LRP8: variants seen among roughly 807,000 people sequenced by gnomAD.
The protein encoded by LRP8 is LDL receptor related protein 8.
LRP8 carries 46 observed loss-of-function variants against 111.6 expected under a neutral mutation model. The observed-to-expected ratio is 0.41, with a 90% CI of 0.33 to 0.53. The LOEUF is 0.53. Ranked by LOEUF, LRP8 falls within the 20% of genes least tolerant of loss-of-function variation. The pLI is 0.20. For missense variants in LRP8, 959 were observed against 1,297.4 expected (o/e 0.74, Z 4.01); for synonymous variants, 464 against 511.2 (o/e 0.91, Z 1.24).
intron 2 of LRP8, among the ~76,000 whole-genome samples, chr1:53,310,710 A>C (rs573298913): frequency 1.3e-5 from 2 of 152,256 alleles, no homozygotes; most frequent in South Asian, 4.1e-4. Context: ...ACCAGAAAGA[A>C]CTTCGTTTCT....
At chr1:53,327,178 C>T (rs1655251108) in intron 1 of LRP8, 186 bp from the exon 2 acceptor site, 1 of 741,776 alleles carries the variant, frequency 1.3e-6, no homozygotes, top group Non-Finnish European at 2.1e-6. Context: ...GATGTCGGGC[C>T]GCTCGGTGGC....
At chr1:53,254,655 G>C (rs1557749122) in intron 16 of LRP8, among the ~76,000 whole-genome samples, 1 of 152,114 alleles carries the variant, frequency 6.6e-6, no homozygotes, top group Non-Finnish European at 1.5e-5. Context: ...TTGGCACATA[G>C]TAGCTGCTTA....
chr1:53,248,781 C>T lies in LRP8; in HGVS notation c.2853+599G>A, dbSNP rs76608157. 5.6e-3 allele frequency among the ~76,000 whole-genome samples: 860 copies of T among 152,350 alleles called. 8 individuals are homozygous for T. Among genetic ancestry groups the T allele is most frequent in the African/African-American group, 0.02 (814 of 41,572 alleles). On this transcript the variant is annotated intron_variant, in intron 18 of 18. Coordinates refer to ENST00000306052, the MANE Select transcript of LRP8 (RefSeq NM_004631.5). ...TAACACTCATCGGGAGTAACTCCCC[C>T]TGAGTCATTTCTTTCTCTGGAAATA...
chr1:53,298,236 C>T (rs1372994481), intron 2 of LRP8, among the ~76,000 whole-genome samples: 2 of 152,232 alleles, frequency 1.3e-5, no homozygotes, highest in Non-Finnish European at 2.9e-5. Flanking sequence ...GTATGTAGGC[C>T]TCCCTGTCAC....
Position 53,327,966 on chromosome 1 carries a change from C to G in LRP8, c.-54G>C. The G allele has an allele frequency of 9.7e-7, 1 of 1,032,286 alleles. No individual in the cohort carries two copies. Among genetic ancestry groups the G allele is most frequent in the East Asian group, 7.4e-5 (1 of 13,428 alleles). 63.9% of individuals were successfully genotyped at this position (1,032,286 alleles called of 1,614,324 possible). A position where few individuals can be genotyped will look rare whatever the true frequency, so the allele number is the denominator to read the frequency against. On this transcript the variant is annotated 5_prime_UTR_variant, in exon 1 of 19. Transcript: ENST00000306052. ...CCCGCGCTCCCCGCGCCGCCGCCGC[C>G]GCGTCTCAGCCCTCCGAGTCCTTGC...
intron 1 of LRP8, chr1:53,327,300 C>A: frequency 2.9e-6 from 1 of 344,704 alleles, no homozygotes. Flanking sequence ...CAGATACAGC[C>A]CATAGGGAGT....
intron 2 of LRP8, among the ~76,000 whole-genome samples, chr1:53,300,154 T>A (rs1217839298): frequency 6.6e-6 from 1 of 152,218 alleles, no homozygotes; most frequent in African/African-American, 2.4e-5. Context: ...GCCCTGCTAC[T>A]GCTCTGGCCC....
rs1412554951 is a variant in LRP8, at chr1:53,321,883, GC to G, written c.244+4989del. ...CACAGCCAGAGGGAAGCCATCCGCT[GC>G]CCCTCCTAGGGCCCTAGGCCTGTTT... On this transcript the variant is annotated intron_variant, in intron 2 of 18. Transcript: ENST00000306052. 5.3e-5 allele frequency among the ~76,000 whole-genome samples: 8 copies of G among 152,214 alleles called. No homozygotes were observed. The East Asian group carries it at 1.5e-3, about 29-fold the overall frequency.
intron 1 of LRP8, 100 bp from the exon 2 acceptor site, chr1:53,327,092 G>C (rs911207106): frequency 6.6e-7 from 1 of 1,523,038 alleles, no homozygotes; most frequent in African/African-American, 1.4e-5. Flanking sequence ...GAGGAGGAAA[G>C]GGGGCGATTA....
intron 9 of LRP8, 72 bp from the exon 10 acceptor site, chr1:53,264,468 C>G: frequency 8.2e-7 from 1 of 1,213,646 alleles, no homozygotes; most frequent in Non-Finnish European, 1.2e-6. Flanking sequence ...ACCTGTGCAC[C>G]CTTCCCCTCT....
intron 13 of LRP8, among the ~76,000 whole-genome samples, chr1:53,258,741 A>ATT (rs58825423): frequency 1.6e-4 from 24 of 146,338 alleles, no homozygotes; most frequent in South Asian, 2.2e-4. Flanking sequence ...CTAATGTGTA[A>ATT]TTTTTTTTTT....
At chr1:53,248,654 A>G (rs1557740201) in intron 18 of LRP8, among the ~76,000 whole-genome samples, 2 of 152,252 alleles carry the variant, frequency 1.3e-5, no homozygotes, top group East Asian at 1.9e-4. Context: ...ATGAGAAAAT[A>G]TATGTAAAAC....
intron 2 of LRP8, among the ~76,000 whole-genome samples, chr1:53,302,923 C>T (rs1198108374): frequency 6.7e-6 from 1 of 148,918 alleles, no homozygotes; most frequent in Non-Finnish European, 1.5e-5. Context: ...GGCCTAGAGC[C>T]GTACTACAGC....
At chr1:53,287,970 G>C (rs1481364963) in intron 3 of LRP8, 1 of 137,628 alleles carries the variant, frequency 7.3e-6, no homozygotes, top group Non-Finnish European at 1.6e-5. Flanking sequence ...TCCACACAAA[G>C]AGATAGAGAC....
At chr1:53,265,680 T>C (rs1326276105) in intron 9 of LRP8, among the ~76,000 whole-genome samples, 2 of 152,244 alleles carry the variant, frequency 1.3e-5, no homozygotes, top group Admixed American at 1.3e-4. Flanking sequence ...AATCTAGTTG[T>C]CAGTGAGTAG....
intron 2 of LRP8, among the ~76,000 whole-genome samples, chr1:53,298,613 G>A (rs879619200): frequency 1.3e-5 from 2 of 152,192 alleles, no homozygotes; most frequent in Non-Finnish European, 2.9e-5. Context: ...AGGCCAGAAG[G>A]CAAGGCCAGG....
In LRP8 at chr1:53,262,602, G is replaced by C; in HGVS notation, c.1656-38C>G. ...ATAACCCAATTTGCCTTCTTGCTGG[G>C]GACATGACCGGGGTGGTCTGAGTCA... On this transcript the variant is annotated intron_variant, in intron 10 of 18. Transcript: ENST00000306052. The surrounding 1 kb of genome is among the most constrained non-coding windows in gnomAD (Gnocchi z 4.8). 6.5e-7 allele frequency: 1 copy of C among 1,535,260 alleles called. No individual in the cohort carries two copies. Among genetic ancestry groups the C allele is most frequent in the Non-Finnish European group, 9.0e-7 (1 of 1,109,394 alleles).
chr1:53,292,334 T>C (rs943609568), intron 2 of LRP8, among the ~76,000 whole-genome samples: 1 of 152,084 alleles, frequency 6.6e-6, no homozygotes, highest in African/African-American at 2.4e-5. Context: ...TTCAGATGGG[T>C]AGATTGAGGC....
chr1:53,255,079 T>C, intron 16 of LRP8, 38 bp downstream of exon 16: 1 of 1,606,646 alleles, frequency 6.2e-7, no homozygotes, highest in Non-Finnish European at 8.5e-7. Flanking sequence ...CTAAGCAGGG[T>C]CTCTCTTTTC....
Sources: allele counts gnomAD v4.1 joint callset (sites outside exome capture counted in the v4.1 genomes callset), GRCh38; gene constraint gnomAD v4.1.1; non-coding constraint Gnocchi (gnomAD v3.1); transcripts MANE v1.5; gene names NCBI Gene and HGNC (gene_info 2026-07-23, HGNC 2026-07-21).